The following RBFOX1 variants were observed in gnomAD, a reference collection of about 807,000 sequenced individuals.
RBFOX1 encodes RNA binding fox-1 homolog 1.
RBFOX1 carries 8 observed loss-of-function variants against 57.7 expected under a neutral mutation model. The observed-to-expected ratio is 0.14, with a 90% CI of 0.08 to 0.25. The LOEUF (loss-of-function observed/expected upper bound fraction) is 0.25, where lower values mean the gene tolerates loss of function less well. RBFOX1 is among the 10% of genes least tolerant of loss of function. RBFOX1 has a pLI of 1.00. For synonymous variants in RBFOX1, 326 were observed against 222.4 expected, an observed-to-expected ratio of 1.47 and a Z score of -4.15; for missense variants, 611 against 548.5, an observed-to-expected ratio of 1.11 and a Z score of -1.14.
At chr16:5,477,501 C>G (rs1340679759) in intron 2 of RBFOX1, among the ~76,000 whole-genome samples, 1 of 152,204 alleles carries the variant, frequency 6.6e-6, no homozygotes, top group African/African-American at 2.4e-5. Flanking sequence ...GGGAAACGAT[C>G]TTACTTTGCA....
intron 3 of RBFOX1, among the ~76,000 whole-genome samples, chr16:5,614,842 T>C (rs745986323): frequency 1.3e-5 from 2 of 152,130 alleles, no homozygotes; most frequent in Non-Finnish European, 2.9e-5. Flanking sequence ...GCTTATCGTT[T>C]AGAGAAAAGG....
At chr16:5,310,830 C>T (rs930063847) in intron 1 of RBFOX1, among the ~76,000 whole-genome samples, 1 of 152,162 alleles carries the variant, frequency 6.6e-6, no homozygotes, top group East Asian at 1.9e-4. Context: ...ATGAAGTACA[C>T]TCTTTTCTTT....
intron 1 of RBFOX1, among the ~76,000 whole-genome samples, chr16:6,303,322 C>T (rs563628017): frequency 1.4e-5 from 2 of 147,984 alleles, no homozygotes; most frequent in African/African-American, 4.9e-5. Context: ...GAGTCCAGTA[C>T]GTATTAAATA....
At chr16:6,160,292 A>T (rs1301096648) in intron 1 of RBFOX1, among the ~76,000 whole-genome samples, 2 of 152,190 alleles carry the variant, frequency 1.3e-5, no homozygotes, top group Non-Finnish European at 2.9e-5. Context: ...TTTGAGGTGT[A>T]TGCAACATGA....
At chr16:6,594,605 T>C (rs1234213627) in intron 2 of RBFOX1, among the ~76,000 whole-genome samples, 1 of 152,168 alleles carries the variant, frequency 6.6e-6, no homozygotes, top group African/African-American at 2.4e-5. Context: ...AACTAGTTTA[T>C]TATTTAAACT....
intron 4 of RBFOX1, among the ~76,000 whole-genome samples, chr16:7,361,333 T>C (rs1414823791): frequency 6.6e-6 from 1 of 152,216 alleles, no homozygotes; most frequent in Non-Finnish European, 1.5e-5. Flanking sequence ...GATGCCTAAA[T>C]TGACTTAGAA....
At chr16:7,704,508 C>T (rs1363680734) in intron 14 of RBFOX1, among the ~76,000 whole-genome samples, 1 of 152,172 alleles carries the variant, frequency 6.6e-6, no homozygotes, top group Non-Finnish European at 1.5e-5. Context: ...ATCATAATTA[C>T]AGGCATGAGT....
At chr16:7,087,530 G>T (rs1194872257) in intron 4 of RBFOX1, among the ~76,000 whole-genome samples, 1 of 151,342 alleles carries the variant, frequency 6.6e-6, no homozygotes, top group Non-Finnish European at 1.5e-5. Context: ...AGAGAAGAAG[G>T]GCAAGAGTTA....
At chr16:7,298,671 C>T (rs934448931) in intron 4 of RBFOX1, among the ~76,000 whole-genome samples, 4 of 152,240 alleles carry the variant, frequency 2.6e-5, no homozygotes, top group South Asian at 2.1e-4. Context: ...TGGATTAAAA[C>T]GTATTTTGTA....
At position 7,587,186 on chromosome 16, in the gene RBFOX1, T is replaced by G. The variant is rs555564775; in HGVS notation, c.415-61T>G. 13 of 1,426,792 alleles carry G rather than the reference T, an allele frequency of 9.1e-6. No individual in the cohort carries two copies. The South Asian group carries it at 2.1e-4, about 23-fold the overall frequency. The allele number at this position is 1,426,792 out of a possible 1,614,324, so 88.4% of individuals were successfully genotyped here. On this transcript the variant is annotated intron_variant, in intron 6 of 15. Transcript: ENST00000550418. ...TGGACGTGGGAAACAATTACTACTG[T>G]ACATAGTAATGTCTACTGCATTTCT... is the stretch of plus-strand genomic sequence containing the variant.
In RBFOX1 at chr16:7,051,909, A is replaced by G. The variant is rs148140159; in HGVS notation, c.-15-148A>G. ...TTGAACTCCAAGTGAAGCTTGAGCT[A>G]TGTAGACCTAAAGAAAAATTAAATA... On this transcript the variant is annotated intron_variant, in intron 3 of 15. Transcript: ENST00000550418. The G allele has an allele frequency of 8.2e-5, 99 of 1,213,696 alleles. No individual in the cohort carries two copies. In the African/African-American group the frequency reaches 1.2e-3, roughly 15 times the overall value. 75.2% of individuals were successfully genotyped at this position (1,213,696 alleles called of 1,614,324 possible).
chr16:6,054,455 T>C (rs1329089251), intron 1 of RBFOX1, among the ~76,000 whole-genome samples: 2 of 152,208 alleles, frequency 1.3e-5, no homozygotes, highest in Non-Finnish European at 2.9e-5. Flanking sequence ...GTTTCCTGTC[T>C]TTCCCACTTG....
At chr16:6,737,517 A>G (rs770505874) in intron 3 of RBFOX1, among the ~76,000 whole-genome samples, 5 of 152,206 alleles carry the variant, frequency 3.3e-5, no homozygotes, top group Admixed American at 6.5e-5. Flanking sequence ...CGTGGTGGCT[A>G]TGAACTTTCT....
chr16:6,850,307 C>T (rs11649041), intron 3 of RBFOX1, among the ~76,000 whole-genome samples: 32,755 of 152,016 alleles, frequency 0.22, 4,121 homozygotes, highest in Admixed American at 0.36. Context: ...TTGACAGGTA[C>T]GATGAAAGAA....
intron 13 of RBFOX1, chr16:7,671,632 A>G: frequency 6.3e-7 from 1 of 1,587,122 alleles, no homozygotes; most frequent in Non-Finnish European, 8.7e-7. Context: ...GAAACTCATC[A>G]CTATGATTGT....
chr16:7,123,095 G>C (rs2067573918), intron 4 of RBFOX1, among the ~76,000 whole-genome samples: 1 of 152,152 alleles, frequency 6.6e-6, no homozygotes. Flanking sequence ...TTTTTGGGGT[G>C]ATGGAACTCT....
chr16:6,752,657 G>A (rs1018501332), intron 3 of RBFOX1, among the ~76,000 whole-genome samples: 3 of 152,262 alleles, frequency 2.0e-5, no homozygotes, highest in South Asian at 2.1e-4. Flanking sequence ...CTGGAATACC[G>A]GTAATAACTC....
chr16:5,976,462 G>C (rs1487444404), intron 4 of RBFOX1, among the ~76,000 whole-genome samples: 1 of 152,134 alleles, frequency 6.6e-6, no homozygotes, highest in Non-Finnish European at 1.5e-5. Context: ...ATGGTAGAGA[G>C]AGTGATGTTC....
At chr16:5,811,447 C>G (rs1374488557) in intron 3 of RBFOX1, among the ~76,000 whole-genome samples, 1 of 126,686 alleles carries the variant, frequency 7.9e-6, no homozygotes, top group African/African-American at 2.9e-5. Flanking sequence ...CCAGCTGGAA[C>G]AAAGTATTTT....
Sources: gnomAD v4.1 joint callset for allele counts (sites outside exome capture counted in the v4.1 genomes callset) on GRCh38, gnomAD v4.1.1 for gene constraint, MANE v1.5 for transcripts, NCBI Gene and HGNC (gene_info 2026-07-23, HGNC 2026-07-21) for gene names.